Variants in PRSS35 observed in about 807,000 individuals in gnomAD.
The protein encoded by PRSS35 is inactive serine protease 35.
Under a neutral mutation model 8.1 loss-of-function variants are expected in PRSS35, and 7 were observed. The observed-to-expected ratio is 0.86, with a 90% CI of 0.49 to 1.62. The LOEUF (loss-of-function observed/expected upper bound fraction) is 1.62, where lower values mean the gene tolerates loss of function less well. PRSS35 is among the 40% of genes most tolerant of loss of function. PRSS35 has a pLI of 0.00. For synonymous variants in PRSS35, 199 were observed against 188.7 expected (o/e 1.05, Z -0.45); for missense variants, 566 against 518.0 (o/e 1.09, Z -0.90).
Position 83,523,810 on chromosome 6 carries a change from G to A in PRSS35, c.369G>A (p.Gln123=). The stretch of plus-strand genomic sequence containing the variant: ...GAGTATCTGTTAGGAGAAAGAGACA[G>A]GTGTATGGCACCGACAGCAGGTTCA... The part of the protein sequence containing the change: ...TKGVSVRRKR[Q]VYGTDSRFSI... The change falls in exon 2 of 2, where the codon CAG becomes CAA. Residue 123 remains glutamine (Q), a synonymous_variant. Coordinates refer to ENST00000369700, the MANE Select transcript of PRSS35 (RefSeq NM_153362.3). 1 of 1,614,188 alleles carries A rather than the reference G, an allele frequency of 6.2e-7. No homozygotes were observed. The highest frequency in any genetic ancestry group is 1.1e-5 in the South Asian group (1 of 91,074).
At chr6:83,520,704 C>T (rs1238951187) in intron 1 of PRSS35, among the ~76,000 whole-genome samples, 1 of 152,172 alleles carries the variant, frequency 6.6e-6, no homozygotes, top group Non-Finnish European at 1.5e-5. Context: ...AGGCCTTTGA[C>T]TAGAACAATA....
rs886900983 is a variant in PRSS35 at position 83,525,450 on chromosome 6, G to A, written c.*767G>A. On this transcript the variant is annotated 3_prime_UTR_variant, in exon 2 of 2. Transcript: ENST00000369700. ...AATACTCAAAATATGGACTTTTCAT[G>A]TATGCATAGGGAAGACACTTCACAA... 4 of 167,114 alleles carry A rather than the reference G, an allele frequency of 2.4e-5. No individual in the cohort carries two copies. Among genetic ancestry groups the A allele is most frequent in the South Asian group, 2.1e-4 (1 of 4,818 alleles). 10.4% of individuals were successfully genotyped at this position (167,114 alleles called of 1,614,324 possible). A position where few individuals can be genotyped will look rare whatever the true frequency, so the allele number is the denominator to read the frequency against.
At chr6:83,523,389 C>A in intron 1 of PRSS35, 33 bp from the exon 2 acceptor site, 1 of 1,480,882 alleles carries the variant, frequency 6.8e-7, no homozygotes, top group Non-Finnish European at 9.2e-7. Context: ...AAAAAGGAAA[C>A]ATTATAAACC....
chr6:83,517,044 G>T (rs1161878185), intron 1 of PRSS35, among the ~76,000 whole-genome samples: 1 of 152,140 alleles, frequency 6.6e-6, no homozygotes, highest in East Asian at 1.9e-4. Context: ...CCTGAGTGTT[G>T]GCTCCCCCTG....
rs1268958775 is a variant in PRSS35, at chr6:83,523,864, T to G, written c.423T>G (p.Asn141Lys). The G allele has an allele frequency of 1.9e-6, 3 of 1,614,212 alleles. No individual in the cohort carries two copies. Among genetic ancestry groups the G allele is most frequent in the Admixed American group, 1.7e-5 (1 of 60,028 alleles). The part of the protein sequence containing the change: ...FSILDKRFLT[N>K]FPFSTAVKLS... Reference sequence around the variant, plus strand: ...TCTTGGACAAAAGGTTCTTAACCAATTTCCCTTTCAGCACAGCTGTGAAGC... The same window carrying G: ...TCTTGGACAAAAGGTTCTTAACCAAGTTCCCTTTCAGCACAGCTGTGAAGC... Residue 141 changes from asparagine (N) to lysine (K), a missense_variant, in exon 2 of 2, where the codon AAT becomes AAG. Physicochemically the swap from Asn to Lys is moderately conservative, Grantham distance 94. Transcript: ENST00000369700.
Position 83,524,501 on chromosome 6 carries a change from C to T in PRSS35, c.1060C>T (p.Leu354=). Reference sequence around the variant, plus strand: ...CACCGGTTCGGGGGTCTATCTGCGTCTGAAAGATCCAGACAAAAAGAATTG... The same window carrying T: ...CACCGGTTCGGGGGTCTATCTGCGTTTGAAAGATCCAGACAAAAAGAATTG... ...GSTGSGVYLR[L]KDPDKKNWKR... Residue 354 remains leucine (L), a synonymous_variant, in exon 2 of 2, where the codon CTG becomes TTG. Transcript: ENST00000369700. 6.2e-7 allele frequency: 1 copy of T among 1,614,182 alleles called. No individual in the cohort carries two copies. Among genetic ancestry groups the T allele is most frequent in the Non-Finnish European group, 8.5e-7 (1 of 1,180,046 alleles).
At chr6:83,519,192 G>T (rs2127713248) in intron 1 of PRSS35, among the ~76,000 whole-genome samples, 1 of 152,270 alleles carries the variant, frequency 6.6e-6, no homozygotes, top group South Asian at 2.1e-4. Flanking sequence ...ATCAGTAAGA[G>T]TTCATCTACA....
Position 83,523,825 on chromosome 6 carries a change from C to T in PRSS35, c.384C>T (p.Asp128=). 1 of 1,614,216 alleles carries T rather than the reference C, an allele frequency of 6.2e-7. No homozygotes were observed. The highest frequency in any genetic ancestry group is 1.3e-5 in the African/African-American group (1 of 75,068). The change falls in exon 2 of 2, where the codon GAC becomes GAT. Residue 128 remains aspartate, a synonymous_variant. Transcript: ENST00000369700. Reference sequence around the variant, plus strand: ...GAAAGAGACAGGTGTATGGCACCGACAGCAGGTTCAGCATCTTGGACAAAA... The same window carrying T: ...GAAAGAGACAGGTGTATGGCACCGATAGCAGGTTCAGCATCTTGGACAAAA... ...VRRKRQVYGT[D]SRFSILDKRF...
intron 1 of PRSS35, among the ~76,000 whole-genome samples, chr6:83,516,241 A>C (rs910044172): frequency 3.3e-5 from 5 of 152,190 alleles, no homozygotes; most frequent in Admixed American, 3.3e-4. Flanking sequence ...GTGGTTTAAA[A>C]CAACACAAAT....
At position 83,524,386 on chromosome 6, in the gene PRSS35, T is replaced by C. The variant is rs755885983; in HGVS notation, c.945T>C (p.Asp315=). 1 of 1,614,054 alleles carries C rather than the reference T, an allele frequency of 6.2e-7. No homozygotes were observed. Among genetic ancestry groups the C allele is most frequent in the East Asian group, 2.2e-5 (1 of 44,882 alleles). ...GMIHFSGFDN[D]RADQLVYRFC... The stretch of plus-strand genomic sequence containing the variant: ...TCCACTTCTCAGGATTTGATAACGA[T>C]AGGGCTGATCAGTTGGTCTATCGGT... Residue 315 remains aspartate (D), a synonymous_variant, in exon 2 of 2, where the codon GAT becomes GAC. Coordinates refer to ENST00000369700, the MANE Select transcript of PRSS35 (RefSeq NM_153362.3).
intron 1 of PRSS35, among the ~76,000 whole-genome samples, chr6:83,515,525 GC>G (rs1249234692): frequency 6.6e-6 from 1 of 152,132 alleles, no homozygotes; most frequent in Non-Finnish European, 1.5e-5. Flanking sequence ...AGACAGGGTT[GC>G]CCTGTCTCAT....
chr6:83,523,583 C>T lies in PRSS35; in HGVS notation c.142C>T (p.Pro48Ser). Reference protein sequence around the residue: ...VSERTFHLTSPAFEADAKMMV... With the variant: ...VSERTFHLTSSAFEADAKMMV... ...TGAAAGGACTTTCCATCTCACCAGC[C>T]CCGCATTTGAGGCAGATGCTAAGAT... Residue 48 changes from proline to serine, a missense_variant, in exon 2 of 2, where the codon CCC becomes TCC. Coordinates refer to ENST00000369700, the MANE Select transcript of PRSS35 (RefSeq NM_153362.3). 3 of 1,614,116 alleles carry T rather than the reference C, an allele frequency of 1.9e-6. No individual in the cohort carries two copies. The highest frequency in any genetic ancestry group is 1.1e-5 in the South Asian group (1 of 91,080).
At position 83,524,439 on chromosome 6, in the gene PRSS35, A is replaced by G. The variant is rs1289169105; in HGVS notation, c.998A>G (p.Asp333Gly). 1.2e-6 allele frequency: 2 copies of G among 1,614,092 alleles called. No individual in the cohort carries two copies. Among genetic ancestry groups the G allele is most frequent in the Admixed American group, 1.7e-5 (1 of 60,014 alleles). ...TGCAGTGTGTCCGACGAATCCAATG[A>G]TCTCCTTTACCAATACTGCGATGCT... ...RFCSVSDESNDLLYQYCDAES... is the reference protein window; with the variant it reads ...RFCSVSDESNGLLYQYCDAES... The change falls in exon 2 of 2, where the codon GAT becomes GGT. Residue 333 changes from aspartate (D) to glycine (G), a missense_variant. Physicochemically the swap from Asp to Gly is moderately conservative, Grantham distance 94. Coordinates refer to ENST00000369700, the MANE Select transcript of PRSS35 (RefSeq NM_153362.3).
rs772000403 is a variant in PRSS35 at position 83,524,040 on chromosome 6, G to A, written c.599G>A (p.Arg200His). The change falls in exon 2 of 2, where the codon CGT becomes CAT. Residue 200 changes from arginine to histidine, a missense_variant. Transcript: ENST00000369700. Reference sequence around the variant, plus strand: ...AGGAATAAAAGTGGAGGCAAGAAACGTCGAGGTTCTAAGAGGAGCAGGAGA... The same window carrying A: ...AGGAATAAAAGTGGAGGCAAGAAACATCGAGGTTCTAAGAGGAGCAGGAGA... ...KMRNKSGGKK[R>H]RGSKRSRREA... 1.4e-5 allele frequency: 22 copies of A among 1,614,026 alleles called. No individual in the cohort carries two copies. Among genetic ancestry groups the A allele is most frequent in the African/African-American group, 1.2e-4 (9 of 74,904 alleles).
chr6:83,523,548 G>A lies in PRSS35; in HGVS notation c.107G>A (p.Arg36Gln), dbSNP rs186993743. 37 of 1,614,098 alleles carry A rather than the reference G, an allele frequency of 2.3e-5. No individual in the cohort carries two copies. The highest frequency in any genetic ancestry group is 1.6e-4 in the African/African-American group (12 of 75,012). Residue 36 changes from arginine (R) to glutamine (Q), a missense_variant, in exon 2 of 2, where the codon CGG (arginine) becomes CAG (glutamine). Coordinates refer to ENST00000369700, the MANE Select transcript of PRSS35 (RefSeq NM_153362.3). ...DFMWHLRKVPRIVSERTFHLT... is the reference protein window; with the variant it reads ...DFMWHLRKVPQIVSERTFHLT... ...ATGTGGCACTTGAGAAAGGTACCCC[G>A]GATTGTCAGTGAAAGGACTTTCCAT...
At chr6:83,519,867 A>T (rs1023780155) in intron 1 of PRSS35, among the ~76,000 whole-genome samples, 1 of 152,150 alleles carries the variant, frequency 6.6e-6, no homozygotes, top group Non-Finnish European at 1.5e-5. Flanking sequence ...GATCTGTAGT[A>T]TGAGATATTG....
Position 83,525,487 on chromosome 6 carries a change from T to A in PRSS35, c.*804T>A, listed in dbSNP as rs574000478. ...AAGACACTTCACAAATTATGAATGA[T>A]CATGTGTTGAAAGCCACATTATTTT... On this transcript the variant is annotated 3_prime_UTR_variant, in exon 2 of 2. Coordinates refer to ENST00000369700, the MANE Select transcript of PRSS35 (RefSeq NM_153362.3). 1.8e-5 allele frequency: 3 copies of A among 167,084 alleles called. No individual in the cohort carries two copies. The highest frequency in any genetic ancestry group is 6.5e-5 in the Admixed American group (1 of 15,282). The allele number at this position is 167,084 out of a possible 1,614,324, so 10.4% of individuals were successfully genotyped here. A position where few individuals can be genotyped will look rare whatever the true frequency, so the allele number is the denominator to read the frequency against.
rs1450076115 is a variant in PRSS35 at position 83,523,621 on chromosome 6, A to G, written c.180A>G (p.Thr60=). ...FEADAKMMVN[T]VCGIECQKEL... ...CAGATGCTAAGATGATGGTAAATAC[A>G]GTGTGTGGCATCGAATGCCAGAAAG... The change falls in exon 2 of 2, where the codon ACA becomes ACG. Residue 60 remains threonine, a synonymous_variant. Coordinates refer to ENST00000369700, the MANE Select transcript of PRSS35 (RefSeq NM_153362.3). 1.9e-6 allele frequency: 3 copies of G among 1,614,178 alleles called. No individual in the cohort carries two copies. The highest frequency in any genetic ancestry group is 1.7e-5 in the Admixed American group (1 of 60,026).
Position 83,513,373 on chromosome 6 carries a change from G to T in PRSS35, c.-21+679G>T, listed in dbSNP as rs2127712388. Among the ~76,000 whole-genome samples the T allele has an allele frequency of 2.6e-5, 4 of 152,258 alleles. 1 individual carries two copies. In the South Asian group the frequency reaches 8.3e-4, roughly 32 times the overall value. ...TTTAAAAAGTTGTAGAAACACTCCCGCTTGATTGCTCTGACATTTTTACAC... is the reference window on the plus strand; with the variant it reads ...TTTAAAAAGTTGTAGAAACACTCCCTCTTGATTGCTCTGACATTTTTACAC... On this transcript the variant is annotated intron_variant, in intron 1 of 1. Coordinates refer to ENST00000369700, the MANE Select transcript of PRSS35 (RefSeq NM_153362.3).
Sources: allele counts gnomAD v4.1 joint callset (sites outside exome capture counted in the v4.1 genomes callset), GRCh38; gene constraint gnomAD v4.1.1; transcripts MANE v1.5; gene names NCBI Gene and HGNC (gene_info 2026-07-23, HGNC 2026-07-21).